The following CLCC1 variants were observed in gnomAD, a reference collection of about 807,000 sequenced individuals.
The protein encoded by CLCC1 is chloride channel CLIC-like protein 1.
In CLCC1, 39 loss-of-function variants were observed where a neutral mutation model predicts 63.3. The ratio of observed to expected loss-of-function variants is 0.62; its 90% CI spans 0.48 to 0.81. CLCC1 has a LOEUF of 0.81. Among genes scored for constraint, CLCC1 ranks in the 30% least tolerant of loss-of-function variants. The probability of loss-of-function intolerance (pLI) is 0.00; values close to 1 mark genes in which losing one functional copy is unlikely to be tolerated. For synonymous variants in CLCC1, 217 were observed against 239.8 expected, an observed-to-expected ratio of 0.90 and a Z score of 0.88; for missense variants, 549 against 669.4, an observed-to-expected ratio of 0.82 and a Z score of 1.98.
intron 12 of CLCC1, 70 bp downstream of exon 12, chr1:108,934,555 T>C: frequency 8.1e-7 from 1 of 1,229,902 alleles, no homozygotes; most frequent in Non-Finnish European, 1.1e-6. Context: ...ATGTGAATGT[T>C]GAAGTTGGCA....
intron 7 of CLCC1, among the ~76,000 whole-genome samples, chr1:108,941,929 T>C (rs924936158): frequency 2.6e-5 from 4 of 152,126 alleles, no homozygotes; most frequent in Non-Finnish European, 4.4e-5. Context: ...GCTAGGATTA[T>C]AGGAAAACAT....
chr1:108,931,313 A>C lies in CLCC1; in HGVS notation c.*1234T>G. The C allele has an allele frequency of 1.3e-6, 2 of 1,544,926 alleles. No individual in the cohort carries two copies. Among genetic ancestry groups the C allele is most frequent in the South Asian group, 1.2e-5 (1 of 83,310 alleles). ...TTAAGCTTTGTCTTCCTTATCCCAG[A>C]TATTGAAGGCAGTTTACAAGGGGAT... On this transcript the variant is annotated 3_prime_UTR_variant, in exon 13 of 13. Transcript: ENST00000369969.
chr1:108,953,471 G>T (rs989082325), intron 2 of CLCC1, among the ~76,000 whole-genome samples: 1 of 152,126 alleles, frequency 6.6e-6, no homozygotes, highest in African/African-American at 2.4e-5. Context: ...CTCCCCAAGT[G>T]ATTCTAATGT....
intron 2 of CLCC1, among the ~76,000 whole-genome samples, chr1:108,953,135 T>C (rs541706031): frequency 2.6e-5 from 4 of 152,264 alleles, no homozygotes; most frequent in African/African-American, 9.6e-5. Context: ...CTACTACATA[T>C]AAGAATCAGG....
chr1:108,963,130 C>T (rs1433057688), intron 1 of CLCC1, among the ~76,000 whole-genome samples: 1 of 152,244 alleles, frequency 6.6e-6, no homozygotes, highest in Non-Finnish European at 1.5e-5. Flanking sequence ...AAGCACCTCC[C>T]CGGAACGCGC....
chr1:108,938,432 T>A (rs1653336295), intron 10 of CLCC1, among the ~76,000 whole-genome samples: 1 of 152,080 alleles, frequency 6.6e-6, no homozygotes, highest in Non-Finnish European at 1.5e-5. Flanking sequence ...AACCACATAA[T>A]CCTGTAATCA....
rs1335403290 is a variant in CLCC1, at chr1:108,930,349, A to C, written c.*2198T>G. The stretch of plus-strand genomic sequence containing the variant: ...AGTGGGAAACAATGTTGTTTGGTAA[A>C]AATAATGTACTTGATCAATGTAAAA... On this transcript the variant is annotated 3_prime_UTR_variant, in exon 13 of 13. Coordinates refer to ENST00000369969, the MANE Select transcript of CLCC1 (RefSeq NM_001377458.1). 2 of 163,138 alleles carry C rather than the reference A, an allele frequency of 1.2e-5. No individual in the cohort carries two copies. Among genetic ancestry groups the C allele is most frequent in the African/African-American group, 4.8e-5 (2 of 41,656 alleles). 10.1% of individuals were successfully genotyped at this position (163,138 alleles called of 1,614,324 possible). A position where few individuals can be genotyped will look rare whatever the true frequency, so the allele number is the denominator to read the frequency against.
intron 2 of CLCC1, among the ~76,000 whole-genome samples, chr1:108,951,389 A>T (rs965029270): frequency 1.2e-4 from 18 of 152,164 alleles, no homozygotes; most frequent in Non-Finnish European, 2.2e-4. Context: ...TCACAGAAAA[A>T]ACAACAACAA....
At chr1:108,940,368 T>TA (rs1653685825) in intron 8 of CLCC1, among the ~76,000 whole-genome samples, 2 of 152,218 alleles carry the variant, frequency 1.3e-5, no homozygotes. Context: ...TTTATGCAGA[T>TA]AAAAAATTGT....
At chr1:108,943,401 T>C in intron 7 of CLCC1, 74 bp downstream of exon 7, 1 of 1,489,976 alleles carries the variant, frequency 6.7e-7, no homozygotes, top group East Asian at 2.3e-5. Flanking sequence ...GCAAGATTGC[T>C]CTCAATGGAT....
chr1:108,939,849 C>A, intron 9 of CLCC1, 67 bp from the exon 10 acceptor site: 1 of 1,498,912 alleles, frequency 6.7e-7, no homozygotes, highest in South Asian at 1.3e-5. Context: ...CATCAAAATT[C>A]ATTGAGTACT....
chr1:108,953,948 T>C (rs775819631), intron 2 of CLCC1, among the ~76,000 whole-genome samples: 1 of 143,138 alleles, frequency 7.0e-6, no homozygotes, highest in Non-Finnish European at 1.5e-5. Flanking sequence ...AGGCAGAAGT[T>C]GCAGTGAGCC....
chr1:108,954,817 C>CGTGTGTGT (rs58482013), intron 2 of CLCC1, among the ~76,000 whole-genome samples: 18,365 of 140,452 alleles, frequency 0.13, 1,495 homozygotes, highest in Middle Eastern at 0.18. Flanking sequence ...ACTGTCTTTG[C>CGTGTGTGT]GTGTGTGTGT....
rs759483946 is a variant in CLCC1, at chr1:108,943,859, C to T, written c.538G>A (p.Val180Met). ...ACCATTAACACATTATATGGATCCACTCCAAAGGAATCTTCGAATCGCCAC... is the reference window on the plus strand; with the variant it reads ...ACCATTAACACATTATATGGATCCATTCCAAAGGAATCTTCGAATCGCCAC... ...WKWRFEDSFGVDPYNVLMVLL... is the reference protein window; with the variant it reads ...WKWRFEDSFGMDPYNVLMVLL... The change falls in exon 6 of 13, where the codon GTG becomes ATG. Residue 180 changes from valine (V) to methionine (M), a missense_variant. By Grantham distance (21) the Val-to-Met change is conservative (BLOSUM62 1). Coordinates refer to ENST00000369969, the MANE Select transcript of CLCC1 (RefSeq NM_001377458.1). 2 of 1,613,522 alleles carry T rather than the reference C, an allele frequency of 1.2e-6. No individual in the cohort carries two copies. Among genetic ancestry groups the T allele is most frequent in the South Asian group, 1.1e-5 (1 of 91,004 alleles).
chr1:108,936,032 G>T (rs1442589765), intron 11 of CLCC1, among the ~76,000 whole-genome samples: 1 of 150,030 alleles, frequency 6.7e-6, no homozygotes. Context: ...AGACTTCTGA[G>T]ATAGGTGACA....
chr1:108,936,895 A>G (rs979647939), intron 11 of CLCC1, among the ~76,000 whole-genome samples, 182 bp downstream of exon 11: 3 of 152,202 alleles, frequency 2.0e-5, no homozygotes. Context: ...GTTAAATCTA[A>G]TTTTATTTCT....
chr1:108,938,691 C>T lies in CLCC1; in HGVS notation c.1041+945G>A, dbSNP rs545442968. Among the ~76,000 whole-genome samples, 129 of 152,306 alleles carry T rather than the reference C, an allele frequency of 8.5e-4. 1 individual carries two copies. The highest frequency in any genetic ancestry group is 1.4e-3 in the Non-Finnish European group (95 of 68,020). ...TCCCCAAACTCTTTCTCAGCATACC[C>T]ATGTTCTTCCACATCCCTTTCTGGT... is the stretch of plus-strand genomic sequence containing the variant. On this transcript the variant is annotated intron_variant, in intron 10 of 12. Transcript: ENST00000369969.
Position 108,931,520 on chromosome 1 carries a change from T to G in CLCC1, c.*1027A>C. The G allele has an allele frequency of 6.6e-7, 1 of 1,526,106 alleles. No individual in the cohort carries two copies. Among genetic ancestry groups the G allele is most frequent in the Non-Finnish European group, 8.8e-7 (1 of 1,134,158 alleles). The allele number at this position is 1,526,106 out of a possible 1,614,324, so 94.5% of individuals were successfully genotyped here. A position where few individuals can be genotyped will look rare whatever the true frequency, so the allele number is the denominator to read the frequency against. On this transcript the variant is annotated 3_prime_UTR_variant, in exon 13 of 13. Coordinates refer to ENST00000369969, the MANE Select transcript of CLCC1 (RefSeq NM_001377458.1). Reference sequence around the variant, plus strand: ...GATCTGGGGATGTGGACCCCTATTCTTTCAAAAAGTCATTCAGGTGATTTG... The same window carrying G: ...GATCTGGGGATGTGGACCCCTATTCGTTCAAAAAGTCATTCAGGTGATTTG...
chr1:108,961,651 G>C (rs1656654596), intron 2 of CLCC1, among the ~76,000 whole-genome samples: 1 of 152,116 alleles, frequency 6.6e-6, no homozygotes, highest in South Asian at 2.1e-4. Context: ...CCTGAGGTTG[G>C]GAGCTCCAGC....
Sources: gnomAD v4.1 joint callset for allele counts (sites outside exome capture counted in the v4.1 genomes callset) on GRCh38, gnomAD v4.1.1 for gene constraint, MANE v1.5 for transcripts, NCBI Gene and HGNC (gene_info 2026-07-23, HGNC 2026-07-21) for gene names.